LCN15: variants seen among roughly 807,000 people sequenced by gnomAD.
LCN15 encodes lipocalin-15.
A neutral mutation model predicts 23.1 loss-of-function variants in LCN15; 26 were observed. That is an observed-to-expected ratio of 1.13 (90% CI 0.82 to 1.56). The LOEUF (loss-of-function observed/expected upper bound fraction) is 1.56. Among genes scored for constraint, LCN15 ranks in the 40% most tolerant of loss-of-function variants. LCN15 has a pLI of 0.00. For synonymous variants in LCN15, 107 were observed against 98.3 expected (o/e 1.09, Z -0.52); for missense variants, 241 against 239.5 (o/e 1.01, Z -0.04).
At chr9:136,760,420 A>G (rs7042397) in intron 6 of LCN15, among the ~76,000 whole-genome samples, 2 of 152,166 alleles carry the variant, frequency 1.3e-5, no homozygotes, top group East Asian at 1.9e-4. Flanking sequence ...GGCGAAGCTC[A>G]TGGAGAGGAG....
chr9:136,759,762 G>T lies in LCN15; in HGVS notation c.*54C>A, dbSNP rs561576139. The T allele has an allele frequency of 1.3e-5, 2 of 152,348 alleles. No homozygotes were observed. The highest frequency in any genetic ancestry group is 4.8e-5 in the African/African-American group (2 of 41,566). The allele number at this position is 152,348 out of a possible 1,614,324, so 9.4% of individuals were successfully genotyped here. On this transcript the variant is annotated 3_prime_UTR_variant, in exon 7 of 7. Coordinates refer to ENST00000316144, the MANE Select transcript of LCN15 (RefSeq NM_203347.2). ...GTGGGTCTTGACTCCAGGGGCAAAG[G>T]CGCCTGCTGCTTTGGCTCCACCTGC...
At chr9:136,764,153 C>T in intron 1 of LCN15, 144 bp from the exon 2 acceptor site, 1 of 1,034,758 alleles carries the variant, frequency 9.7e-7, no homozygotes, top group Non-Finnish European at 1.4e-6. Context: ...CCCAGGTGGA[C>T]AGGAACTCAT....
Position 136,761,494 on chromosome 9 carries a change from C to T in LCN15, c.*32+293G>A, listed in dbSNP as rs1847316202. On this transcript the variant is annotated intron_variant, in intron 6 of 6. Coordinates refer to ENST00000316144, the MANE Select transcript of LCN15 (RefSeq NM_203347.2). The surrounding 1 kb of genome is among the most constrained non-coding windows in gnomAD (Gnocchi z 4.2). Reference sequence around the variant, plus strand: ...CAGGCTGGTCTCGAACTCCCAACCTCAGGTGACCCGCCTGCCTCGGCCTCC... The same window carrying T: ...CAGGCTGGTCTCGAACTCCCAACCTTAGGTGACCCGCCTGCCTCGGCCTCC... 6.6e-6 allele frequency among the ~76,000 whole-genome samples: 1 copy of T among 152,196 alleles called. No individual in the cohort carries two copies.
chr9:136,761,732 C>T lies in LCN15; in HGVS notation c.*32+55G>A, dbSNP rs1481879887. 10 of 851,722 alleles carry T rather than the reference C, an allele frequency of 1.2e-5. No individual in the cohort carries two copies. Among genetic ancestry groups the T allele is most frequent in the Non-Finnish European group, 1.3e-5 (8 of 636,032 alleles). The allele number at this position is 851,722 out of a possible 1,614,324, so 52.8% of individuals were successfully genotyped here. On this transcript the variant is annotated intron_variant, in intron 6 of 6. Transcript: ENST00000316144. This position sits in a 1 kb window ranked among gnomAD's most constrained non-coding sequence, Gnocchi z 4.2. The stretch of plus-strand genomic sequence containing the variant: ...GCAGACAGAACCAGATGTCAAGCTG[C>T]GATAGGGAGGGGAGAGGCAACCAGG...
At chr9:136,762,938 A>G (rs1257183954) in intron 4 of LCN15, among the ~76,000 whole-genome samples, 2 of 148,660 alleles carry the variant, frequency 1.3e-5, no homozygotes, top group South Asian at 2.1e-4. Flanking sequence ...AAAAAAAAAA[A>G]AAGAACCTCA....
Position 136,761,872 on chromosome 9 carries a change from C to G in LCN15, c.521-19G>C. 1.5e-6 allele frequency: 2 copies of G among 1,336,100 alleles called. No individual in the cohort carries two copies. The highest frequency in any genetic ancestry group is 9.6e-7 in the Non-Finnish European group (1 of 1,042,402). The allele number at this position is 1,336,100 out of a possible 1,614,324, so 82.8% of individuals were successfully genotyped here. A position where few individuals can be genotyped will look rare whatever the true frequency, so the allele number is the denominator to read the frequency against. ...CATGCATCTGTGGGGAGGAAGACAT[C>G]CGTGAGATGCTGACGGCCAGGACCG... On this transcript the variant is annotated intron_variant, in intron 5 of 6. Coordinates refer to ENST00000316144, the MANE Select transcript of LCN15 (RefSeq NM_203347.2). The surrounding 1 kb of genome is among the most constrained non-coding windows in gnomAD (Gnocchi z 4.2).
intron 5 of LCN15, among the ~76,000 whole-genome samples, 159 bp from the exon 6 acceptor site, chr9:136,762,012 G>A (rs537327809): frequency 7.2e-5 from 11 of 152,278 alleles, no homozygotes; most frequent in Admixed American, 3.3e-4. Context: ...AGCCTCTCCC[G>A]TAGTCTGTTC....
intron 6 of LCN15, among the ~76,000 whole-genome samples, chr9:136,760,447 G>A (rs1443619252): frequency 3.3e-5 from 5 of 152,172 alleles, no homozygotes; most frequent in African/African-American, 1.2e-4. Context: ...TGCAGGAAAC[G>A]CAACAGCAGC....
intron 3 of LCN15, 28 bp from the exon 4 acceptor site, chr9:136,763,495 G>T: frequency 6.6e-7 from 1 of 1,519,140 alleles, no homozygotes. Flanking sequence ...GCCTTTTCAG[G>T]CTGGAGAAGT....
At position 136,763,968 on chromosome 9, in the gene LCN15, G is replaced by A; in HGVS notation, c.138C>T (p.Cys46=). 6.2e-7 allele frequency: 1 copy of A among 1,613,460 alleles called. No homozygotes were observed. The highest frequency in any genetic ancestry group is 8.5e-7 in the Non-Finnish European group (1 of 1,179,970). The change falls in exon 2 of 7, where the codon TGC becomes TGT. Residue 46 remains cysteine (C), a synonymous_variant. Transcript: ENST00000316144. Reference sequence around the variant, plus strand: ...GGTCCTTCTTGCCCAGGAAGACCCTGCAGTCAGATGCCATGGAGACCACGT... The same window carrying A: ...GGTCCTTCTTGCCCAGGAAGACCCTACAGTCAGATGCCATGGAGACCACGT... ...LWYVVSMASD[C]RVFLGKKDHL... is the part of the protein sequence containing the mutation.
intron 4 of LCN15, 113 bp downstream of exon 4, chr9:136,763,244 C>G: frequency 3.5e-6 from 2 of 571,642 alleles, no homozygotes; most frequent in Non-Finnish European, 5.8e-6. Flanking sequence ...AGGGCGGGGC[C>G]TGTGAGGAGG....
chr9:136,761,948 G>T lies in LCN15; in HGVS notation c.521-95C>A. On this transcript the variant is annotated intron_variant, in intron 5 of 6. Transcript: ENST00000316144. The surrounding 1 kb of genome is among the most constrained non-coding windows in gnomAD (Gnocchi z 4.2). ...CCTGGGTGCCAAGGGCCACTGGACA[G>T]CTCCACCATCCCCAGAGAGTGGAGC... The T allele has an allele frequency of 9.8e-7, 1 of 1,020,412 alleles. No individual in the cohort carries two copies. Among genetic ancestry groups the T allele is most frequent in the Non-Finnish European group, 1.3e-6 (1 of 749,712 alleles). 63.2% of individuals were successfully genotyped at this position (1,020,412 alleles called of 1,614,324 possible). A position where few individuals can be genotyped will look rare whatever the true frequency, so the allele number is the denominator to read the frequency against.
chr9:136,761,714 G>A lies in LCN15; in HGVS notation c.*32+73C>T. On this transcript the variant is annotated intron_variant, in intron 6 of 6. Coordinates refer to ENST00000316144, the MANE Select transcript of LCN15 (RefSeq NM_203347.2). The surrounding 1 kb of genome is among the most constrained non-coding windows in gnomAD (Gnocchi z 4.2). ...CAGCGGGGCAGGCATGGGGCAGACA[G>A]AACCAGATGTCAAGCTGCGATAGGG... The A allele has an allele frequency of 1.4e-6, 1 of 701,556 alleles. No homozygotes were observed. Among genetic ancestry groups the A allele is most frequent in the Admixed American group, 4.3e-5 (1 of 23,198 alleles). 43.5% of individuals were successfully genotyped at this position (701,556 alleles called of 1,614,324 possible). A position where few individuals can be genotyped will look rare whatever the true frequency, so the allele number is the denominator to read the frequency against.
At chr9:136,762,389 C>T (rs891687848) in intron 4 of LCN15, 100 bp from the exon 5 acceptor site, 5 of 734,960 alleles carry the variant, frequency 6.8e-6, no homozygotes, top group South Asian at 1.6e-5. Context: ...ACAGCAAGGC[C>T]GCCACCCTGG....
rs988930601 is a variant in LCN15 at position 136,761,712 on chromosome 9, C to T, written c.*32+75G>A. 2 of 683,974 alleles carry T rather than the reference C, an allele frequency of 2.9e-6. No homozygotes were observed. The highest frequency in any genetic ancestry group is 2.1e-6 in the Non-Finnish European group (1 of 483,048). The allele number at this position is 683,974 out of a possible 1,614,324, so 42.4% of individuals were successfully genotyped here. A position where few individuals can be genotyped will look rare whatever the true frequency, so the allele number is the denominator to read the frequency against. ...AACAGCGGGGCAGGCATGGGGCAGA[C>T]AGAACCAGATGTCAAGCTGCGATAG... On this transcript the variant is annotated intron_variant, in intron 6 of 6. Coordinates refer to ENST00000316144, the MANE Select transcript of LCN15 (RefSeq NM_203347.2). This position sits in a 1 kb window ranked among gnomAD's most constrained non-coding sequence, Gnocchi z 4.2.
In LCN15 at chr9:136,763,375, T is replaced by A; in HGVS notation, c.400A>T (p.Thr134Ser). 1 of 1,592,474 alleles carries A rather than the reference T, an allele frequency of 6.3e-7. No homozygotes were observed. Residue 134 changes from threonine to serine, a missense_variant, in exon 4 of 7, where the codon ACC becomes TCC. Coordinates refer to ENST00000316144, the MANE Select transcript of LCN15 (RefSeq NM_203347.2). ...IYKELEGALSTMVQLYSRTQD... is the reference protein window; with the variant it reads ...IYKELEGALSSMVQLYSRTQD... Reference sequence around the variant, plus strand: ...CACTCACTGTAGAGCTGCACCATGGTGCTGAGGGCCCCCTCCAGCTCCTTG... The same window carrying A: ...CACTCACTGTAGAGCTGCACCATGGAGCTGAGGGCCCCCTCCAGCTCCTTG...
Position 136,761,834 on chromosome 9 carries a change from G to T in LCN15, c.540C>A (p.Ser180Arg). 1 of 1,309,678 alleles carries T rather than the reference G, an allele frequency of 7.6e-7. No individual in the cohort carries two copies. 81.1% of individuals were successfully genotyped at this position (1,309,678 alleles called of 1,614,324 possible). ...TCCGGAGGTGTCAGGGCGCCTCCTT[G>T]CTCTCAGGGTTGCATGCATCTGTGG... ...LPQSDACNPE[S>R]KEAP is the part of the protein sequence containing the mutation. The change falls in exon 6 of 7, where the codon AGC becomes AGA. Residue 180 changes from serine to arginine, a missense_variant. Physicochemically the swap from Ser to Arg is moderately radical, Grantham distance 110 (BLOSUM62 -1). Coordinates refer to ENST00000316144, the MANE Select transcript of LCN15 (RefSeq NM_203347.2). The surrounding 1 kb of genome is among the most constrained non-coding windows in gnomAD (Gnocchi z 4.2).
rs377679900 is a variant in LCN15, at chr9:136,761,825, C to T, written c.549G>A (p.Ala183=). The T allele has an allele frequency of 2.8e-5, 37 of 1,300,370 alleles. No individual in the cohort carries two copies. Among genetic ancestry groups the T allele is most frequent in the African/African-American group, 2.6e-4 (17 of 66,086 alleles). 80.6% of individuals were successfully genotyped at this position (1,300,370 alleles called of 1,614,324 possible). Residue 183 remains alanine, a synonymous_variant, in exon 6 of 7, where the codon GCG becomes GCA. Coordinates refer to ENST00000316144, the MANE Select transcript of LCN15 (RefSeq NM_203347.2). The surrounding 1 kb of genome is among the most constrained non-coding windows in gnomAD (Gnocchi z 4.2). The part of the protein sequence containing the change: ...SDACNPESKE[A]P ...GGGTGGGGCTCCGGAGGTGTCAGGG[C>T]GCCTCCTTGCTCTCAGGGTTGCATG...
At position 136,761,746 on chromosome 9, in the gene LCN15, G is replaced by C; in HGVS notation, c.*32+41C>G. On this transcript the variant is annotated intron_variant, in intron 6 of 6. Coordinates refer to ENST00000316144, the MANE Select transcript of LCN15 (RefSeq NM_203347.2). This position sits in a 1 kb window ranked among gnomAD's most constrained non-coding sequence, Gnocchi z 4.2. ...ATGTCAAGCTGCGATAGGGAGGGGA[G>C]AGGCAACCAGGGCATCCCCTGCAGG... 9.8e-7 allele frequency: 1 copy of C among 1,021,880 alleles called. No homozygotes were observed. The highest frequency in any genetic ancestry group is 1.3e-6 in the Non-Finnish European group (1 of 789,770). The allele number at this position is 1,021,880 out of a possible 1,614,324, so 63.3% of individuals were successfully genotyped here.
Sources: gnomAD v4.1 joint callset for allele counts (sites outside exome capture counted in the v4.1 genomes callset) on GRCh38, gnomAD v4.1.1 for gene constraint, Gnocchi (gnomAD v3.1) non-coding constraint, MANE v1.5 for transcripts, NCBI Gene and HGNC (gene_info 2026-07-23, HGNC 2026-07-21) for gene names.